ASTN1: variants seen among roughly 807,000 people sequenced by gnomAD.
ASTN1 encodes astrotactin-1.
A neutral mutation model predicts 140.7 loss-of-function variants in ASTN1; 41 were observed. The observed-to-expected ratio is 0.29, with a 90% confidence interval of 0.23 to 0.38. ASTN1 has a LOEUF of 0.38. ASTN1 is among the 10% of genes least tolerant of loss of function. The pLI is 1.00. For synonymous variants in ASTN1, 640 were observed against 652.2 expected, an observed-to-expected ratio of 0.98 and a Z score of 0.29; for missense variants, 1,479 against 1,678.8, an observed-to-expected ratio of 0.88 and a Z score of 2.08.
chr1:177,032,362 G>C (rs1211046030), intron 3 of ASTN1, 94 bp downstream of exon 3: 1 of 1,502,622 alleles, frequency 6.7e-7, no homozygotes, highest in Non-Finnish European at 9.0e-7. Flanking sequence ...CACTATGTAG[G>C]ACAACCAGCT....
intron 7 of ASTN1, among the ~76,000 whole-genome samples, chr1:177,021,711 C>G (rs145477192): frequency 6.6e-6 from 1 of 152,324 alleles, no homozygotes; most frequent in East Asian, 1.9e-4. Flanking sequence ...GGTGTGCTTC[C>G]TTTTCTTTAA....
intron 8 of ASTN1, among the ~76,000 whole-genome samples, chr1:176,979,910 T>C (rs941982751): frequency 2.8e-4 from 43 of 152,148 alleles, no homozygotes; most frequent in Admixed American, 5.9e-4. Context: ...ACTTTCAAGG[T>C]AATAATTATA....
Position 177,132,017 on chromosome 1 carries a change from C to T in ASTN1, c.283+32377G>A, listed in dbSNP as rs79351909. Among the ~76,000 whole-genome samples the T allele has an allele frequency of 5.8e-3, 877 of 152,284 alleles. 7 individuals are homozygous for T. Among genetic ancestry groups the T allele is most frequent in the African/African-American group, 0.02 (837 of 41,556 alleles). ...ACCAGGTCCCACCTCCCAACATTGC[C>T]ACATTCAGGATCAAATTTCAGCATG... On this transcript the variant is annotated intron_variant, in intron 1 of 22. Coordinates refer to ENST00000361833, the MANE Select transcript of ASTN1 (RefSeq NM_004319.3).
At chr1:177,114,218 A>T (rs926388080) in intron 1 of ASTN1, among the ~76,000 whole-genome samples, 1 of 152,222 alleles carries the variant, frequency 6.6e-6, no homozygotes, top group African/African-American at 2.4e-5. Context: ...TTCCTTATGC[A>T]TCAAAGGAGG....
At position 176,958,370 on chromosome 1, in the gene ASTN1, C is replaced by T. The variant is rs750470172; in HGVS notation, c.1711G>A (p.Val571Met). The T allele has an allele frequency of 7.4e-6, 12 of 1,614,126 alleles. No homozygotes were observed. Among genetic ancestry groups the T allele is most frequent in the Non-Finnish European group, 1.0e-5 (12 of 1,179,966 alleles). The change falls in exon 10 of 23, where the codon GTG (valine) becomes ATG (methionine). Residue 571 changes from valine (V) to methionine (M), a missense_variant. Physicochemically the swap from Val to Met is conservative, Grantham distance 21 (BLOSUM62 1). Coordinates refer to ENST00000361833, the MANE Select transcript of ASTN1 (RefSeq NM_004319.3). ...PSAKCKTDMT[V>M]MEDAVEVREE... The stretch of plus-strand genomic sequence containing the variant: ...CTGACCTCCACAGCATCCTCCATCA[C>T]AGTCATGTCCGTCTTGCACTTTGCT...
chr1:177,029,178 A>AT (rs949279834), intron 5 of ASTN1, among the ~76,000 whole-genome samples: 3 of 152,144 alleles, frequency 2.0e-5, no homozygotes, highest in African/African-American at 7.2e-5. Flanking sequence ...AATTACACAG[A>AT]TTTTCAGGCC....
chr1:176,876,736 G>A (rs1433831284), intron 20 of ASTN1, 99 bp from the exon 21 acceptor site: 11 of 1,152,492 alleles, frequency 9.5e-6, no homozygotes, highest in Non-Finnish European at 1.1e-5. Context: ...TGAATGGGTG[G>A]CTATGGACCC....
intron 1 of ASTN1, among the ~76,000 whole-genome samples, chr1:177,132,554 A>G (rs994989496): frequency 1.3e-5 from 2 of 152,204 alleles, no homozygotes; most frequent in Non-Finnish European, 2.9e-5. Context: ...TGCATTAGAT[A>G]ATCATGTCAA....
At chr1:177,063,490 T>A (rs1391418597) in intron 1 of ASTN1, among the ~76,000 whole-genome samples, 6 of 152,152 alleles carry the variant, frequency 3.9e-5, no homozygotes, top group East Asian at 1.9e-4. Context: ...AGCGAGGCTG[T>A]GACACAGACT....
chr1:176,997,285 A>G (rs1451151706), intron 8 of ASTN1, among the ~76,000 whole-genome samples: 1 of 152,106 alleles, frequency 6.6e-6, no homozygotes, highest in Non-Finnish European at 1.5e-5. Context: ...AGGCACAGAG[A>G]ACTTATGTAA....
chr1:177,102,672 T>G (rs1037166413), intron 1 of ASTN1, among the ~76,000 whole-genome samples: 1 of 152,234 alleles, frequency 6.6e-6, no homozygotes, highest in Non-Finnish European at 1.5e-5. Context: ...GTCAGACTAC[T>G]TTCTTAATTC....
At chr1:177,058,489 G>A (rs1052759159) in intron 2 of ASTN1, among the ~76,000 whole-genome samples, 2 of 152,124 alleles carry the variant, frequency 1.3e-5, no homozygotes, top group South Asian at 2.1e-4. Flanking sequence ...AGTAGCATAT[G>A]AAGGAGAGGT....
chr1:177,136,103 C>T (rs1367002884), intron 1 of ASTN1, among the ~76,000 whole-genome samples: 1 of 152,174 alleles, frequency 6.6e-6, no homozygotes, highest in Admixed American at 6.5e-5. Context: ...CAAATGAAAA[C>T]CCATCCTACT....
At chr1:177,156,979 G>T (rs1431208694) in intron 1 of ASTN1, among the ~76,000 whole-genome samples, 1 of 152,156 alleles carries the variant, frequency 6.6e-6, no homozygotes, top group East Asian at 1.9e-4. Context: ...TCTTCAAACT[G>T]TCAAAGTCAT....
chr1:177,082,963 G>A (rs1558082783), intron 1 of ASTN1, among the ~76,000 whole-genome samples: 1 of 152,084 alleles, frequency 6.6e-6, no homozygotes, highest in East Asian at 1.9e-4. Flanking sequence ...ACATGTGGAT[G>A]TTCTCTGTAG....
chr1:177,018,159 A>G (rs1398390474), intron 7 of ASTN1, among the ~76,000 whole-genome samples: 1 of 152,196 alleles, frequency 6.6e-6, no homozygotes, highest in Non-Finnish European at 1.5e-5. Context: ...AGGCAAGTCC[A>G]GGGTCAAATA....
chr1:176,992,665 A>G (rs1327488443), intron 8 of ASTN1, among the ~76,000 whole-genome samples: 1 of 152,190 alleles, frequency 6.6e-6, no homozygotes, highest in Non-Finnish European at 1.5e-5. Flanking sequence ...AAAATCTCTC[A>G]TTAGCTATTA....
chr1:177,109,605 G>A (rs1680716714), intron 1 of ASTN1, among the ~76,000 whole-genome samples: 1 of 152,128 alleles, frequency 6.6e-6, no homozygotes, highest in Admixed American at 6.5e-5. Flanking sequence ...ACAAGACTTA[G>A]GTTAGATTTC....
chr1:177,098,523 T>C (rs1390752575), intron 1 of ASTN1, among the ~76,000 whole-genome samples: 1 of 152,156 alleles, frequency 6.6e-6, no homozygotes, highest in Non-Finnish European at 1.5e-5. Flanking sequence ...CCCCTTTCCA[T>C]ACAGTGACAA....
Sources: allele counts gnomAD v4.1 joint callset (sites outside exome capture counted in the v4.1 genomes callset), GRCh38; gene constraint gnomAD v4.1.1; transcripts MANE v1.5; gene names NCBI Gene and HGNC (gene_info 2026-07-23, HGNC 2026-07-21).